Variants in DSE observed in about 807,000 individuals in gnomAD.
DSE encodes dermatan sulfate epimerase.
A neutral mutation model predicts 84.4 loss-of-function variants in DSE; 36 were observed. That is an observed-to-expected ratio of 0.43 (90% CI 0.33 to 0.56). DSE has a LOEUF of 0.56. Among genes scored for constraint, DSE ranks in the 20% least tolerant of loss-of-function variants. The pLI is 0.06. For synonymous variants in DSE, 410 were observed against 430.1 expected (o/e 0.95, Z 0.58); for missense variants, 862 against 1,169.6 (o/e 0.74, Z 3.84).
At chr6:116,397,485 G>A (rs141630586) in intron 1 of DSE, among the ~76,000 whole-genome samples, 1,592 of 152,238 alleles carry the variant, frequency 0.01, 34 homozygotes, top group African/African-American at 0.035. Context: ...GGGATTACAG[G>A]CATGAGCCAC....
At chr6:116,259,839 C>T (rs1386959200) in intron 2 of DSE, among the ~76,000 whole-genome samples, 1 of 152,296 alleles carries the variant, frequency 6.6e-6, no homozygotes, top group South Asian at 2.1e-4. Context: ...TTTATGGCTG[C>T]ATAGTATTCT....
chr6:116,367,032 T>C (rs1253636607), upstream of DSE: 1 of 152,200 alleles, frequency 6.6e-6, no homozygotes, highest in African/African-American at 2.4e-5. Context: ...CCACGAAGCT[T>C]GAGTCATCTG....
intron 2 of DSE, among the ~76,000 whole-genome samples, chr6:116,340,350 T>G (rs1777514085): frequency 6.6e-6 from 1 of 152,216 alleles, no homozygotes; most frequent in Admixed American, 6.5e-5. Flanking sequence ...TGATTCTTTC[T>G]TCTGCCATTT....
intron 2 of DSE, among the ~76,000 whole-genome samples, chr6:116,407,775 G>T (rs939013870): frequency 6.6e-6 from 1 of 152,170 alleles, no homozygotes; most frequent in African/African-American, 2.4e-5. Context: ...AAATAAAAAA[G>T]ATCAATCTAT....
upstream of DSE, among the ~76,000 whole-genome samples, chr6:116,368,385 C>T (rs911360866): frequency 9.2e-5 from 14 of 152,016 alleles, no homozygotes; most frequent in African/African-American, 2.4e-4. Flanking sequence ...GCATACAGAC[C>T]GGATTTACAG....
intron 4 of DSE, among the ~76,000 whole-genome samples, chr6:116,431,639 A>G (rs1399981978): frequency 6.6e-6 from 1 of 152,194 alleles, no homozygotes; most frequent in Non-Finnish European, 1.5e-5. Flanking sequence ...AAAATGAAAG[A>G]TTACACCTAC....
At chr6:116,370,316 G>A, upstream of DSE, 1 of 297,424 alleles carries the variant, frequency 3.4e-6, no homozygotes, top group Non-Finnish European at 5.2e-6. Context: ...GGTTCGGTGC[G>A]CTTGGATTTA....
In DSE at chr6:116,430,843, C is replaced by T. The variant is rs73551594; in HGVS notation, c.671-111C>T. On this transcript the variant is annotated intron_variant, in intron 3 of 5. Transcript: ENST00000644252. ...TGACAAGTTGGAGTTTTACAAAACGCGATTTGTAATATAAACTAGTTAGAT... is the reference window on the plus strand; with the variant it reads ...TGACAAGTTGGAGTTTTACAAAACGTGATTTGTAATATAAACTAGTTAGAT... The T allele has an allele frequency of 2.1e-3, 2,996 of 1,453,312 alleles. 51 individuals carry two copies. The African/African-American group carries it at 0.038, about 18-fold the overall frequency. The allele number at this position is 1,453,312 out of a possible 1,614,324, so 90.0% of individuals were successfully genotyped here.
intron 5 of DSE, among the ~76,000 whole-genome samples, chr6:116,433,912 A>G (rs543133979): frequency 7.9e-5 from 12 of 152,156 alleles, no homozygotes; most frequent in Non-Finnish European, 1.0e-4. Flanking sequence ...GCACTATTTC[A>G]TAAATAAGCA....
At chr6:116,257,163 T>C (rs1171129021) in intron 1 of DSE, 2 of 152,246 alleles carry the variant, frequency 1.3e-5, no homozygotes, top group East Asian at 3.8e-4. Flanking sequence ...GTGTTTTCTA[T>C]ATACCATATA....
At chr6:116,366,540 A>G (rs1015776356), upstream of DSE, 1 of 152,236 alleles carries the variant, frequency 6.6e-6, no homozygotes, top group African/African-American at 2.4e-5. Context: ...TCAGAGAACA[A>G]TATTATAATT....
intron 2 of DSE, among the ~76,000 whole-genome samples, chr6:116,269,484 T>C (rs1433859581): frequency 6.6e-6 from 1 of 152,148 alleles, no homozygotes; most frequent in African/African-American, 2.4e-5. Context: ...CCATGTAAAA[T>C]AAGTGAAAGG....
chr6:116,367,794 A>G (rs1779249049), upstream of DSE, among the ~76,000 whole-genome samples: 1 of 152,220 alleles, frequency 6.6e-6, no homozygotes, highest in African/African-American at 2.4e-5. Context: ...CTTCTTGCCT[A>G]GTAAATTTCC....
intron 2 of DSE, among the ~76,000 whole-genome samples, chr6:116,292,212 G>A (rs939730616): frequency 6.6e-6 from 1 of 152,218 alleles, no homozygotes. Flanking sequence ...GAACACTGAC[G>A]TGAAAGAAAC....
chr6:116,348,731 T>C (rs1167117123), intron 2 of DSE, among the ~76,000 whole-genome samples: 3 of 152,160 alleles, frequency 2.0e-5, no homozygotes, highest in Non-Finnish European at 4.4e-5. Flanking sequence ...AACCCAAATG[T>C]CCATCAATGA....
upstream of DSE, among the ~76,000 whole-genome samples, chr6:116,369,456 A>G (rs542390567): frequency 6.6e-6 from 1 of 152,354 alleles, no homozygotes; most frequent in East Asian, 1.9e-4. Context: ...TAAACTCTCA[A>G]TAAACATTAG....
Position 116,313,778 on chromosome 6 carries a change from A to G in DSE, c.-54+54811A>G, listed in dbSNP as rs1475167440. ...ATTGGGTGAATCGGTTCATATAAGA[A>G]TAAAGAACAGATTTTAACTTTTTTG... is the stretch of plus-strand genomic sequence containing the variant. On this transcript the variant is annotated intron_variant, in intron 2 of 3. Transcript: ENST00000430252. 3.3e-5 allele frequency among the ~76,000 whole-genome samples: 5 copies of G among 152,238 alleles called. No homozygotes were observed. The South Asian group carries it at 1.0e-3, about 31-fold the overall frequency.
intron 2 of DSE, among the ~76,000 whole-genome samples, chr6:116,325,621 T>A (rs958974770): frequency 3.9e-5 from 6 of 152,208 alleles, no homozygotes; most frequent in African/African-American, 1.4e-4. Context: ...TTTGCCATAC[T>A]AATGCATGCT....
chr6:116,273,050 AG>A (rs1772951214), intron 2 of DSE, among the ~76,000 whole-genome samples: 1 of 152,248 alleles, frequency 6.6e-6, no homozygotes. Context: ...TTATACTGCA[AG>A]TTTTATCATC....
Sources: gnomAD v4.1 joint callset for allele counts (sites outside exome capture counted in the v4.1 genomes callset) on GRCh38, gnomAD v4.1.1 for gene constraint, MANE v1.5 for transcripts, NCBI Gene and HGNC (gene_info 2026-07-23, HGNC 2026-07-21) for gene names.